SMG6: variants seen among roughly 807,000 people sequenced by gnomAD.
SMG6 encodes SMG6 nonsense mediated mRNA decay factor.
Under a neutral mutation model 142.2 loss-of-function variants are expected in SMG6, and 66 were observed. The ratio of observed to expected loss-of-function variants is 0.46; its 90% CI spans 0.38 to 0.57. The LOEUF is 0.57. Ranked by LOEUF, SMG6 falls within the 20% of genes least tolerant of loss-of-function variation. The pLI is 0.00. For synonymous variants in SMG6, 779 were observed against 702.4 expected, an observed-to-expected ratio of 1.11 and a Z score of -1.72; for missense variants, 1,793 against 1,832.0, an observed-to-expected ratio of 0.98 and a Z score of 0.39.
At chr17:2,228,459 C>A (rs531316924) in intron 10 of SMG6, among the ~76,000 whole-genome samples, 1 of 152,100 alleles carries the variant, frequency 6.6e-6, no homozygotes, top group African/African-American at 2.4e-5. Flanking sequence ...GAACTCCTGA[C>A]CTCATGATCC....
intron 15 of SMG6, among the ~76,000 whole-genome samples, chr17:2,074,482 C>T (rs1015583582): frequency 6.6e-6 from 1 of 152,124 alleles, no homozygotes; most frequent in African/African-American, 2.4e-5. Flanking sequence ...GGGTACACTG[C>T]AAATGAAAAA....
intron 12 of SMG6, among the ~76,000 whole-genome samples, chr17:2,183,801 A>C (rs980179619): frequency 6.6e-6 from 1 of 151,714 alleles, no homozygotes; most frequent in African/African-American, 2.4e-5. Context: ...CAGCAGAGGC[A>C]GACGAAAGCA....
chr17:2,208,889 G>A (rs2072766466), intron 10 of SMG6, among the ~76,000 whole-genome samples: 1 of 152,180 alleles, frequency 6.6e-6, no homozygotes, highest in Non-Finnish European at 1.5e-5. Context: ...CCGTTAAAAA[G>A]CGTAACATGT....
intron 15 of SMG6, among the ~76,000 whole-genome samples, chr17:2,070,589 C>T (rs1240505299): frequency 1.3e-5 from 2 of 152,196 alleles, no homozygotes; most frequent in African/African-American, 2.4e-5. Flanking sequence ...ACTGAAAGGG[C>T]ATGCCTTCAA....
chr17:2,135,343 T>C (rs1270931857), intron 13 of SMG6, among the ~76,000 whole-genome samples: 3 of 152,232 alleles, frequency 2.0e-5, no homozygotes, highest in Admixed American at 1.3e-4. Flanking sequence ...AAAAATCTAT[T>C]CTTTAAGCTA....
chr17:2,256,801 T>C (rs982451362), intron 8 of SMG6, among the ~76,000 whole-genome samples: 2 of 151,786 alleles, frequency 1.3e-5, no homozygotes, highest in Non-Finnish European at 1.5e-5. Context: ...ACAGATTTGA[T>C]ACGGATTAAA....
At chr17:2,253,117 T>C (rs1197721250) in intron 8 of SMG6, among the ~76,000 whole-genome samples, 1 of 137,304 alleles carries the variant, frequency 7.3e-6, no homozygotes, top group African/African-American at 2.6e-5. Flanking sequence ...TAAAATATTT[T>C]ATTTTATTTA....
At chr17:2,070,390 G>A (rs1033469969) in intron 15 of SMG6, among the ~76,000 whole-genome samples, 1 of 152,312 alleles carries the variant, frequency 6.6e-6, no homozygotes, top group Admixed American at 6.5e-5. Flanking sequence ...GGGGCCAGGA[G>A]GGCAGGTCCC....
intron 13 of SMG6, among the ~76,000 whole-genome samples, chr17:2,103,090 G>C (rs2069056777): frequency 6.6e-6 from 1 of 152,236 alleles, no homozygotes. Flanking sequence ...TAATGCTGCA[G>C]TGAACCTGGG....
At chr17:2,230,332 AAAAAGGG>A (rs2073452046) in intron 10 of SMG6, among the ~76,000 whole-genome samples, 1 of 28,974 alleles carries the variant, frequency 3.5e-5, no homozygotes, top group Non-Finnish European at 7.6e-5. Flanking sequence ...AAAAAAAAAA[AAAAAGGG>A]AAAACCACAA....
chr17:2,148,143 A>G (rs1478639677), intron 13 of SMG6, among the ~76,000 whole-genome samples: 6 of 152,116 alleles, frequency 3.9e-5, no homozygotes, highest in Admixed American at 2.0e-4. Flanking sequence ...GTGAGCTGAG[A>G]GTGTGCCACT....
intron 12 of SMG6, among the ~76,000 whole-genome samples, chr17:2,185,805 G>A (rs1319068582): frequency 6.6e-6 from 1 of 152,088 alleles, no homozygotes; most frequent in Non-Finnish European, 1.5e-5. Context: ...CGAGGGGAGG[G>A]ACGTGGTGAG....
chr17:2,084,072 CT>C (rs1480328718), intron 14 of SMG6, among the ~76,000 whole-genome samples: 1 of 152,216 alleles, frequency 6.6e-6, no homozygotes, highest in African/African-American at 2.4e-5. Context: ...CAGAGAAGGC[CT>C]TCTCTGGCTT....
rs2067724541 is a variant in SMG6 at position 2,059,941 on chromosome 17, G to A, written c.*1551C>T. 2 of 152,932 alleles carry A rather than the reference G, an allele frequency of 1.3e-5. No individual in the cohort carries two copies. Among genetic ancestry groups the A allele is most frequent in the African/African-American group, 2.4e-5 (1 of 41,456 alleles). 9.5% of individuals were successfully genotyped at this position (152,932 alleles called of 1,614,324 possible). A position where few individuals can be genotyped will look rare whatever the true frequency, so the allele number is the denominator to read the frequency against. On this transcript the variant is annotated 3_prime_UTR_variant, in exon 19 of 19. Transcript: ENST00000263073. ...CTCCCTCCCGACCACCCAGTCATCG[G>A]CCTTCCAGCTGGGGAGAGAATCTTA... is the stretch of plus-strand genomic sequence containing the variant.
intron 3 of SMG6, 66 bp from the exon 4 acceptor site, chr17:2,297,419 G>T: frequency 2.5e-6 from 3 of 1,211,644 alleles, no homozygotes; most frequent in Non-Finnish European, 3.5e-6. Context: ...ACCAAAAACC[G>T]GGGCAGACAA....
rs112822821 is a variant in SMG6, at chr17:2,186,890, T to C, written c.2987-59A>G. ...TCTGCTGTAGCCCCCGAGTGAGGCC[T>C]GGGGCGCTGGGACGGCAGCAAGCTC... On this transcript the variant is annotated intron_variant, in intron 11 of 18. Transcript: ENST00000263073. 2.8e-5 allele frequency: 44 copies of C among 1,565,222 alleles called. 1 individual carries two copies. The African/African-American group carries it at 3.0e-4, about 11-fold the overall frequency.
intron 13 of SMG6, among the ~76,000 whole-genome samples, chr17:2,135,551 T>C (rs939490159): frequency 6.6e-6 from 1 of 152,196 alleles, no homozygotes; most frequent in African/African-American, 2.4e-5. Context: ...AAGAGAACCT[T>C]ATGGCAATAA....
chr17:2,278,203 A>G (rs936351264), intron 8 of SMG6, among the ~76,000 whole-genome samples: 1 of 117,330 alleles, frequency 8.5e-6, no homozygotes, highest in Admixed American at 9.6e-5. Context: ...CTTTATATAT[A>G]CTTTTTTTTT....
intron 13 of SMG6, among the ~76,000 whole-genome samples, chr17:2,115,375 G>C (rs1325064402): frequency 6.6e-6 from 1 of 152,112 alleles, no homozygotes; most frequent in Non-Finnish European, 1.5e-5. Context: ...AGTTCAACAG[G>C]ATACCAATCT....
Sources: gnomAD v4.1 joint callset for allele counts (sites outside exome capture counted in the v4.1 genomes callset) on GRCh38, gnomAD v4.1.1 for gene constraint, MANE v1.5 for transcripts, NCBI Gene and HGNC (gene_info 2026-07-23, HGNC 2026-07-21) for gene names.